Variants in TTN observed in about 807,000 individuals in gnomAD.
TTN encodes titin.
Under a neutral mutation model 3,223.0 loss-of-function variants are expected in TTN, and 1,525 were observed. That is an observed-to-expected ratio of 0.47 (90% CI 0.45 to 0.49). The LOEUF (loss-of-function observed/expected upper bound fraction) is 0.49, where lower values mean the gene tolerates loss of function less well. TTN is among the 20% of genes least tolerant of loss of function. The pLI, the probability that TTN is intolerant of heterozygous loss-of-function variation, is 0.00. For synonymous variants in TTN, 14,094 were observed against 15,161.0 expected, an observed-to-expected ratio of 0.93 and a Z score of 5.17; for missense variants, 40,786 against 43,424.0, an observed-to-expected ratio of 0.94 and a Z score of 5.40.
At chr2:178,537,972 T>C (rs1370854766) in intron 354 of TTN, 55 bp from the exon 355 acceptor site, 20 of 1,411,506 alleles carry the variant, frequency 1.4e-5, no homozygotes, top group Admixed American at 2.3e-5. Context: ...TCTGTAATCC[T>C]TTGTCCTTGT....
Position 178,756,065 on chromosome 2 carries a change from C to G in TTN, c.11254+157G>C, listed in dbSNP as rs995705734. 4.6e-5 allele frequency among the ~76,000 whole-genome samples: 7 copies of G among 152,140 alleles called. 1 individual carries two copies. The highest frequency in any genetic ancestry group is 1.7e-4 in the African/African-American group (7 of 41,430). On this transcript the variant is annotated intron_variant, in intron 46 of 362. Transcript: ENST00000589042. ...AGTTAAATTTTCAGGATAATCATGG[C>G]CAATGACTTGGCTGACTTTCAGAAG... is the stretch of plus-strand genomic sequence containing the variant.
In TTN at chr2:178,528,626, T is replaced by C; in HGVS notation, c.107125A>G (p.Arg35709Gly). Reference protein sequence around the residue: ...SDAPAFISQPRSQNINEGQNV... With the variant: ...SDAPAFISQPGSQNINEGQNV... ...TGTCCTTCATTAATATTTTGAGATC[T>C]AGGCTGTGAGATGAAGGCTGGAGCA... Residue 35709 changes from arginine (R) to glycine (G), a missense_variant, in exon 360 of 363, where the codon AGA becomes GGA. By Grantham distance (125) the Arg-to-Gly change is moderately radical. Transcript: ENST00000589042. 1 of 1,612,772 alleles carries C rather than the reference T, an allele frequency of 6.2e-7. No homozygotes were observed. Among genetic ancestry groups the C allele is most frequent in the South Asian group, 1.1e-5 (1 of 90,866 alleles).
At chr2:178,738,690 C>T (rs2081957190) in intron 48 of TTN, among the ~76,000 whole-genome samples, 2 of 151,586 alleles carry the variant, frequency 1.3e-5, no homozygotes, top group South Asian at 4.2e-4. Context: ...TGTGAAGAAA[C>T]ATGATATACT....
chr2:178,796,570 G>A (rs2093778859), intron 6 of TTN, among the ~76,000 whole-genome samples: 1 of 152,140 alleles, frequency 6.6e-6, no homozygotes, highest in Admixed American at 6.5e-5. Context: ...TAGGGAATAA[G>A]CCTCTTTTCT....
rs781194025 is a variant in TTN, at chr2:178,601,848, A to G, written c.55302+34T>C. ...AATCATAGCAATATTGAAGTCAACC[A>G]TATTCTGAATTATTTTAATTATTAT... On this transcript the variant is annotated intron_variant, in intron 285 of 362. Transcript: ENST00000589042. The G allele has an allele frequency of 1.5e-5, 24 of 1,607,604 alleles. No individual in the cohort carries two copies. In the African/African-American group the frequency reaches 2.8e-4, roughly 19 times the overall value.
chr2:178,601,770 G>T lies in TTN; in HGVS notation c.55320C>A (p.Asn18440Lys), dbSNP rs911563094. 2.5e-6 allele frequency: 4 copies of T among 1,603,912 alleles called. No individual in the cohort carries two copies. The highest frequency in any genetic ancestry group is 1.3e-5 in the African/African-American group (1 of 74,272). ...ACTCCGGAATAATAATTACTGAGGAGTTTTCAGCAGTCTCCAGCTGTACAA... is the reference window on the plus strand; with the variant it reads ...ACTCCGGAATAATAATTACTGAGGATTTTTCAGCAGTCTCCAGCTGTACAA... ...PEDAQLETAENSSVIIIPECK... is the reference protein window; with the variant it reads ...PEDAQLETAEKSSVIIIPECK... Residue 18440 changes from asparagine (N) to lysine (K), a missense_variant, in exon 286 of 363, where the codon AAC (asparagine) becomes AAA (lysine). Coordinates refer to ENST00000589042, the MANE Select transcript of TTN (RefSeq NM_001267550.2).
chr2:178,722,468 C>T lies in TTN; in HGVS notation c.22319G>A (p.Cys7440Tyr). 1 of 1,613,462 alleles carries T rather than the reference C, an allele frequency of 6.2e-7. No individual in the cohort carries two copies. The highest frequency in any genetic ancestry group is 1.1e-5 in the South Asian group (1 of 91,062). Residue 7440 changes from cysteine to tyrosine, a missense_variant, in exon 77 of 363, where the codon TGT (cysteine) becomes TAT (tyrosine). Cys to Tyr is a radical substitution (Grantham distance 194). Transcript: ENST00000589042. ...GATGGGTGCAGAGCCATTTAATCGA[C>T]AAGTGAGTGTAACAGGTAACCCCAC... The part of the protein sequence containing the change: ...QTVGLPVTLT[C>Y]RLNGSAPIQV...
At position 178,599,240 on chromosome 2, in the gene TTN, T is replaced by G; in HGVS notation, c.56553A>C (p.Glu18851Asp). The change falls in exon 290 of 363, where the codon GAA becomes GAC. Residue 18851 changes from glutamate to aspartate, a missense_variant. Coordinates refer to ENST00000589042, the MANE Select transcript of TTN (RefSeq NM_001267550.2). ...ECTYTIPKLL[E>D]GHEYVFRIMA... ...TGATTCGGAATACATATTCATGGCC[T>G]TCTAGCAATTTGGGAATCGTGTACG... 1 of 1,554,722 alleles carries G rather than the reference T, an allele frequency of 6.4e-7. No homozygotes were observed.
chr2:178,567,679 T>A lies in TTN; in HGVS notation c.78453A>T (p.Ser26151=). ...CATATCTTTGATCTTCAGTAAGACC[T>A]GACACAGTAAATTGAGTTTCAATGA... ...TNVIETQFTV[S]GLTEDQRYEF... The change falls in exon 326 of 363, where the codon TCA becomes TCT. Residue 26151 remains serine, a synonymous_variant. Transcript: ENST00000589042. 1 of 1,612,516 alleles carries A rather than the reference T, an allele frequency of 6.2e-7. No homozygotes were observed. The highest frequency in any genetic ancestry group is 8.5e-7 in the Non-Finnish European group (1 of 1,178,982).
At chr2:178,752,982 C>A in intron 47 of TTN, 142 bp downstream of exon 47, 1 of 526,914 alleles carries the variant, frequency 1.9e-6, no homozygotes, top group South Asian at 4.3e-5. Flanking sequence ...AAGCATGCGA[C>A]ATAGTAATAT....
intron 47 of TTN, chr2:178,752,149 C>A: frequency 1.1e-6 from 1 of 951,404 alleles, no homozygotes; most frequent in Non-Finnish European, 1.6e-6. Context: ...ACAGATCTCA[C>A]AAATCCATAG....
chr2:178,732,977 G>A lies in TTN; in HGVS notation c.16199C>T (p.Ser5400Phe). Residue 5400 changes from serine (S) to phenylalanine (F), a missense_variant, in exon 55 of 363, where the codon TCT becomes TTT. Transcript: ENST00000589042. ...WFKDGKEIAA[S>F]DRYRIAFVEG... ...CACAAATGCTATCCTGTATCTGTCAGAAGCAGCTATTTCTTTGCCATCCTT... is the reference window on the plus strand; with the variant it reads ...CACAAATGCTATCCTGTATCTGTCAAAAGCAGCTATTTCTTTGCCATCCTT... The A allele has an allele frequency of 1.2e-6, 2 of 1,613,608 alleles. No homozygotes were observed. The highest frequency in any genetic ancestry group is 1.7e-6 in the Non-Finnish European group (2 of 1,179,750).
In TTN at chr2:178,611,636, C is replaced by A; in HGVS notation, c.50593G>T (p.Gly16865Trp). 2 of 1,613,036 alleles carry A rather than the reference C, an allele frequency of 1.2e-6. No individual in the cohort carries two copies. Among genetic ancestry groups the A allele is most frequent in the Non-Finnish European group, 1.7e-6 (2 of 1,179,352 alleles). ...CAAGCAATGGCAATGTGTTTTCTCC[C>A]AGCATCAGTCACATGTAGGTCAAGG... ...PPLDLHVTDA[G>W]RKHIAIAWKP... The change falls in exon 269 of 363, where the codon GGG becomes TGG. Residue 16865 changes from glycine to tryptophan, a missense_variant. Gly to Trp is a radical substitution (Grantham distance 184, BLOSUM62 -2). Transcript: ENST00000589042.
chr2:178,628,201 T>C (rs1426737154), intron 240 of TTN, among the ~76,000 whole-genome samples: 2 of 152,062 alleles, frequency 1.3e-5, no homozygotes, highest in South Asian at 2.1e-4. Context: ...TTGTTGTTGT[T>C]GTTGTTGTTT....
rs1238420893 is a variant in TTN at position 178,720,565 on chromosome 2, C to T, written c.23197G>A (p.Val7733Ile). Residue 7733 changes from valine to isoleucine, a missense_variant, in exon 80 of 363, where the codon GTA becomes ATA. Coordinates refer to ENST00000589042, the MANE Select transcript of TTN (RefSeq NM_001267550.2). ...TGCTTTCGATCTTTAACCCATACTA[C>T]TTCAAATGGGGGAGTTCCCGAAATT... ...CEISGTPPFE[V>I]VWVKDRKQVR... The T allele has an allele frequency of 7.4e-6, 12 of 1,613,328 alleles. No individual in the cohort carries two copies. The highest frequency in any genetic ancestry group is 9.3e-6 in the Non-Finnish European group (11 of 1,179,574).
rs2092876186 is a variant in TTN at position 178,782,586 on chromosome 2, T to C, written c.3117A>G (p.Glu1039=). ...YLAVQVSEEF[E]KETTAVTEKF... ...TCTCAGTCACGGCTGTGGTTTCCTT[T>C]TCAAATTCTTCTGACACTAAAAGAA... The change falls in exon 19 of 363, where the codon GAA becomes GAG. Residue 1039 remains glutamate, a synonymous_variant. Coordinates refer to ENST00000589042, the MANE Select transcript of TTN (RefSeq NM_001267550.2). 1.2e-6 allele frequency: 2 copies of C among 1,614,010 alleles called. No individual in the cohort carries two copies. Among genetic ancestry groups the C allele is most frequent in the Non-Finnish European group, 1.7e-6 (2 of 1,179,954 alleles).
rs761607459 is a variant in TTN at position 178,634,488 on chromosome 2, A to C, written c.42293T>G (p.Phe14098Cys). The C allele has an allele frequency of 1.2e-6, 2 of 1,613,242 alleles. No homozygotes were observed. Among genetic ancestry groups the C allele is most frequent in the East Asian group, 2.2e-5 (1 of 44,780 alleles). Residue 14098 changes from phenylalanine to cysteine, a missense_variant, in exon 230 of 363, where the codon TTT becomes TGT. By Grantham distance (205) the Phe-to-Cys change is radical. Coordinates refer to ENST00000589042, the MANE Select transcript of TTN (RefSeq NM_001267550.2). This position sits in a 1 kb window ranked among gnomAD's most constrained non-coding sequence, Gnocchi z 4.6. ...TTTCTTTCCATCAGCGATGATATCA[A>C]ATTTGTCAGATGACTTAATTATATC... is the stretch of plus-strand genomic sequence containing the variant. The part of the protein sequence containing the change: ...GPDIIKSSDK[F>C]DIIADGKKHI...
At chr2:178,737,155 A>T (rs754715561) in intron 49 of TTN, among the ~76,000 whole-genome samples, 3 of 152,146 alleles carry the variant, frequency 2.0e-5, no homozygotes, top group Non-Finnish European at 4.4e-5. Context: ...GAAAGAAGGT[A>T]GGAAGAAAGG....
rs1039046185 is a variant in TTN at position 178,800,831 on chromosome 2, A to T, written c.296-149T>A. The T allele has an allele frequency of 1.4e-5, 11 of 794,442 alleles. No individual in the cohort carries two copies. In the East Asian group the frequency reaches 3.1e-4, roughly 22 times the overall value. 49.2% of individuals were successfully genotyped at this position (794,442 alleles called of 1,614,324 possible). ...TGTCCTTGAACCCAGCTCACCCAGCAATGACAGCAAGAATGGGAGCCAGGA... is the reference window on the plus strand; with the variant it reads ...TGTCCTTGAACCCAGCTCACCCAGCTATGACAGCAAGAATGGGAGCCAGGA... On this transcript the variant is annotated intron_variant, in intron 3 of 362. Coordinates refer to ENST00000589042, the MANE Select transcript of TTN (RefSeq NM_001267550.2).
Sources: allele counts gnomAD v4.1 joint callset (sites outside exome capture counted in the v4.1 genomes callset), GRCh38; gene constraint gnomAD v4.1.1; non-coding constraint Gnocchi (gnomAD v3.1); transcripts MANE v1.5; gene names NCBI Gene and HGNC (gene_info 2026-07-23, HGNC 2026-07-21).